Variants in CEP120 observed in about 807,000 individuals in gnomAD.
CEP120 encodes centrosomal protein of 120 kDa.
In CEP120, 113 loss-of-function variants were observed where a neutral mutation model predicts 126.5. The observed-to-expected ratio is 0.89, with a 90% CI of 0.77 to 1.04. CEP120 has a LOEUF of 1.04. Ranked by LOEUF, CEP120 falls within the 50% of genes least tolerant of loss-of-function variation. CEP120 has a pLI of 0.00. For missense variants in CEP120, 1,230 were observed against 1,155.7 expected (o/e 1.06, Z -0.93); for synonymous variants, 400 against 394.3 (o/e 1.01, Z -0.17).
At chr5:123,386,743 G>GA (rs1196210976) in intron 9 of CEP120, 76 bp from the exon 10 acceptor site, 23 of 1,122,018 alleles carry the variant, frequency 2.0e-5, no homozygotes, top group Admixed American at 3.7e-5. Flanking sequence ...CTGTTTTTTA[G>GA]AAAAAAGTAT....
At chr5:123,385,404 T>G (rs556188135) in intron 10 of CEP120, among the ~76,000 whole-genome samples, 1 of 152,274 alleles carries the variant, frequency 6.6e-6, no homozygotes, top group East Asian at 1.9e-4. Context: ...CACAAATACT[T>G]ACCTTTGTCC....
rs751601418 is a variant in CEP120 at position 123,388,385 on chromosome 5, TC to T, written c.1430+46del. 12 of 1,309,822 alleles carry T rather than the reference TC, an allele frequency of 9.2e-6. No homozygotes were observed. The Admixed American group carries it at 2.7e-4, about 29-fold the overall frequency. 81.1% of individuals were successfully genotyped at this position (1,309,822 alleles called of 1,614,324 possible). A position where few individuals can be genotyped will look rare whatever the true frequency, so the allele number is the denominator to read the frequency against. On this transcript the variant is annotated intron_variant, in intron 9 of 19. Transcript: ENST00000306467. ...CTGCAATTCCCCAAACACAGGAAAGTCCTTTCTCTTCAGAAAATAATACTTT... is the reference window on the plus strand; with the variant it reads ...CTGCAATTCCCCAAACACAGGAAAGTCTTTCTCTTCAGAAAATAATACTTT...
intron 3 of CEP120, among the ~76,000 whole-genome samples, chr5:123,415,662 TGA>T (rs1198041317): frequency 2.6e-5 from 4 of 151,634 alleles, no homozygotes; most frequent in African/African-American, 9.7e-5. Context: ...TCACTTGAGG[TGA>T]GGAGTTTGAA....
chr5:123,362,280 C>A (rs563577348), intron 18 of CEP120, among the ~76,000 whole-genome samples: 149 of 151,850 alleles, frequency 9.8e-4, no homozygotes, highest in African/African-American at 3.3e-3. Context: ...CTCACGATGA[C>A]CCCTACCTCA....
intron 13 of CEP120, 31 bp downstream of exon 13, chr5:123,382,706 A>G: frequency 1.0e-5 from 16 of 1,589,072 alleles, no homozygotes; most frequent in Non-Finnish European, 1.4e-5. Flanking sequence ...CAGACAAAGC[A>G]GATTTTTTAA....
intron 5 of CEP120, among the ~76,000 whole-genome samples, chr5:123,397,979 G>C (rs1429072362): frequency 6.6e-6 from 1 of 152,178 alleles, no homozygotes; most frequent in Non-Finnish European, 1.5e-5. Flanking sequence ...AGCTACTCAG[G>C]AGGCTGAGGC....
intron 18 of CEP120, among the ~76,000 whole-genome samples, chr5:123,357,183 G>A (rs1769697602): frequency 6.6e-6 from 1 of 152,066 alleles, no homozygotes; most frequent in Admixed American, 6.6e-5. Context: ...CAATGTATCT[G>A]TCCACCCCTG....
chr5:123,362,814 C>T (rs1159326709), intron 18 of CEP120, among the ~76,000 whole-genome samples: 1 of 151,628 alleles, frequency 6.6e-6, no homozygotes, highest in Non-Finnish European at 1.5e-5. Flanking sequence ...TTTTTAAGCC[C>T]AATCATTCTC....
At chr5:123,370,255 C>T (rs1253266839) in intron 17 of CEP120, among the ~76,000 whole-genome samples, 2 of 151,990 alleles carry the variant, frequency 1.3e-5, no homozygotes, top group Non-Finnish European at 2.9e-5. Flanking sequence ...ATCTATTCCA[C>T]AGCCTACTAT....
chr5:123,422,891 C>A, intron 1 of CEP120, 59 bp downstream of exon 1: 1 of 1,494,972 alleles, frequency 6.7e-7, no homozygotes. Context: ...CTCGGTCCCA[C>A]ACTAAGCTTT....
At chr5:123,422,179 G>A (rs34837495) in intron 1 of CEP120, among the ~76,000 whole-genome samples, 16,083 of 152,084 alleles carry the variant, frequency 0.11, 1,052 homozygotes, top group Admixed American at 0.18. Flanking sequence ...AGTGCTCCCT[G>A]CTCTTCTCTT....
At chr5:123,414,783 G>A (rs901195701) in intron 3 of CEP120, among the ~76,000 whole-genome samples, 3 of 151,748 alleles carry the variant, frequency 2.0e-5, no homozygotes, top group African/African-American at 7.3e-5. Flanking sequence ...TGGCTAACAC[G>A]GTGAAACCCC....
At chr5:123,350,565 A>G (rs767094730) in intron 18 of CEP120, among the ~76,000 whole-genome samples, 1 of 152,228 alleles carries the variant, frequency 6.6e-6, no homozygotes, top group Non-Finnish European at 1.5e-5. Flanking sequence ...TGAACTGTCA[A>G]TACAATGAAC....
At chr5:123,378,315 T>A in intron 15 of CEP120, 21 bp downstream of exon 15, 1 of 1,561,548 alleles carries the variant, frequency 6.4e-7, no homozygotes. Flanking sequence ...TGAAAAAAAA[T>A]ACAATGGACG....
At chr5:123,403,188 C>A in intron 4 of CEP120, 1 of 434,128 alleles carries the variant, frequency 2.3e-6, no homozygotes, top group Admixed American at 2.7e-5. Flanking sequence ...GGCCTGGGAA[C>A]AGTGACACCT....
At chr5:123,356,626 T>C (rs997899321) in intron 18 of CEP120, among the ~76,000 whole-genome samples, 1 of 151,598 alleles carries the variant, frequency 6.6e-6, no homozygotes, top group African/African-American at 2.4e-5. Flanking sequence ...TGTCATTCAG[T>C]TTTCACCCTC....
chr5:123,357,329 T>G (rs1015677942), intron 18 of CEP120, among the ~76,000 whole-genome samples: 7 of 152,102 alleles, frequency 4.6e-5, no homozygotes, highest in Non-Finnish European at 8.8e-5. Context: ...CTTTTTTACT[T>G]TTGGAAAATT....
intron 19 of CEP120, among the ~76,000 whole-genome samples, chr5:123,347,935 G>A (rs1033042838): frequency 9.9e-5 from 15 of 152,032 alleles, no homozygotes; most frequent in Non-Finnish European, 1.3e-4. Flanking sequence ...TACTGTCCTG[G>A]TCACATGCCA....
At chr5:123,414,199 A>G (rs1774243662) in intron 3 of CEP120, among the ~76,000 whole-genome samples, 1 of 152,194 alleles carries the variant, frequency 6.6e-6, no homozygotes, top group Non-Finnish European at 1.5e-5. Flanking sequence ...AACTGACTGC[A>G]GAAGTGTCTT....
Sources: gnomAD v4.1 joint callset for allele counts (sites outside exome capture counted in the v4.1 genomes callset) on GRCh38, gnomAD v4.1.1 for gene constraint, MANE v1.5 for transcripts, NCBI Gene and HGNC (gene_info 2026-07-23, HGNC 2026-07-21) for gene names.